Variants in CSNK2A1 observed in about 807,000 individuals in gnomAD.
CSNK2A1 encodes casein kinase II subunit alpha.
In CSNK2A1, 10 loss-of-function variants were observed where a neutral mutation model predicts 62.9. That is an observed-to-expected ratio of 0.16 (90% CI 0.10 to 0.27). The LOEUF is 0.27. CSNK2A1 is among the 10% of genes least tolerant of loss of function. CSNK2A1 has a pLI of 1.00. For synonymous variants in CSNK2A1, 124 were observed against 167.8 expected (o/e 0.74, Z 2.02); for missense variants, 160 against 492.0 (o/e 0.33, Z 6.38).
At chr20:514,113 C>T (rs1386073086) in intron 2 of CSNK2A1, among the ~76,000 whole-genome samples, 1 of 151,982 alleles carries the variant, frequency 6.6e-6, no homozygotes, top group Non-Finnish European at 1.5e-5. Context: ...TCCCAGCACT[C>T]TGGCAGGATC....
At chr20:488,271 C>T (rs1170504627) in intron 11 of CSNK2A1, 1 of 183,588 alleles carries the variant, frequency 5.4e-6, no homozygotes, top group African/African-American at 2.4e-5. Context: ...TCCTAAAGTT[C>T]TGGGATTACA....
intron 1 of CSNK2A1, 150 bp downstream of exon 1, chr20:543,522 C>G (rs1048873639): frequency 5.1e-6 from 2 of 394,410 alleles, no homozygotes; most frequent in Admixed American, 4.4e-5. Flanking sequence ...CTGCAGGGGC[C>G]TCGCTTGGTT....
At chr20:520,544 C>T (rs968899807) in intron 2 of CSNK2A1, among the ~76,000 whole-genome samples, 95 of 152,120 alleles carry the variant, frequency 6.2e-4, no homozygotes, top group South Asian at 4.1e-4. Flanking sequence ...CTGGTGCCCA[C>T]GCTGGAGTGC....
intron 12 of CSNK2A1, 98 bp from the exon 13 acceptor site, chr20:486,560 A>G: frequency 7.8e-7 from 1 of 1,282,352 alleles, no homozygotes. Flanking sequence ...TTTGCAATTT[A>G]TATATACTCT....
At position 474,454 on chromosome 20, in the gene CSNK2A1, G is replaced by A. The variant is rs2017809049; in HGVS notation, c.*9507C>T. ...TATGATACTCCAAGCAAGAGAGGAT[G>A]GTGGCTGGGATGAGGAATTTGGCAA... On this transcript the variant is annotated 3_prime_UTR_variant, in exon 14 of 14. Transcript: ENST00000217244. 6.6e-6 allele frequency: 1 copy of A among 152,184 alleles called. No individual in the cohort carries two copies. The highest frequency in any genetic ancestry group is 1.5e-5 in the Non-Finnish European group (1 of 68,036). The allele number at this position is 152,184 out of a possible 1,614,324, so 9.4% of individuals were successfully genotyped here. A position where few individuals can be genotyped will look rare whatever the true frequency, so the allele number is the denominator to read the frequency against.
chr20:491,853 G>A (rs554044007), intron 9 of CSNK2A1, among the ~76,000 whole-genome samples: 64 of 152,292 alleles, frequency 4.2e-4, no homozygotes, highest in African/African-American at 1.5e-3. Flanking sequence ...GAACCTGGGA[G>A]GCGGAGCTTG....
chr20:498,335 C>CTTTTTTTTTTTT (rs11477158), intron 6 of CSNK2A1: 71 of 119,654 alleles, frequency 5.9e-4, no homozygotes, highest in African/African-American at 2.0e-3. Context: ...ATGGACATAT[C>CTTTTTTTTTTTT]TTTTTTTTTT....
intron 4 of CSNK2A1, chr20:501,557 C>CT (rs2018470741): frequency 6.6e-6 from 1 of 151,876 alleles, no homozygotes; most frequent in African/African-American, 2.4e-5. Flanking sequence ...TCTATTTTAC[C>CT]TTTTTTTGTA....
chr20:497,996 C>T (rs775878630), intron 6 of CSNK2A1: 52 of 475,866 alleles, frequency 1.1e-4, no homozygotes, highest in Admixed American at 1.0e-3. Context: ...ACATATATTG[C>T]GGAAGCTATA....
chr20:529,602 A>G (rs1437281837), intron 1 of CSNK2A1, among the ~76,000 whole-genome samples: 1 of 152,204 alleles, frequency 6.6e-6, no homozygotes, highest in Non-Finnish European at 1.5e-5. Flanking sequence ...TCCTTTAAGT[A>G]AAAAGGTAAA....
intron 2 of CSNK2A1, among the ~76,000 whole-genome samples, chr20:525,877 G>A (rs2019076972): frequency 1.4e-5 from 2 of 146,792 alleles, no homozygotes; most frequent in Admixed American, 1.4e-4. Context: ...GTGGTGGCAT[G>A]CACCTGTGGT....
chr20:485,244 T>G (rs1639830678), intron 13 of CSNK2A1, among the ~76,000 whole-genome samples: 1 of 149,648 alleles, frequency 6.7e-6, no homozygotes, highest in African/African-American at 2.5e-5. Flanking sequence ...AGGGCAACGG[T>G]GCGATCTCGG....
intron 2 of CSNK2A1, among the ~76,000 whole-genome samples, chr20:527,339 A>C (rs978033437): frequency 2.4e-4 from 37 of 152,242 alleles, no homozygotes; most frequent in African/African-American, 8.0e-4. Flanking sequence ...AAATTCAATC[A>C]GTATTGTTTC....
intron 1 of CSNK2A1, among the ~76,000 whole-genome samples, chr20:531,235 T>C (rs950271452): frequency 3.6e-4 from 55 of 152,200 alleles, no homozygotes; most frequent in Admixed American, 3.9e-4. Context: ...GGTAGGTCTG[T>C]CTGTCTGGTA....
chr20:516,515 A>G (rs1213539968), intron 2 of CSNK2A1, among the ~76,000 whole-genome samples: 1 of 152,226 alleles, frequency 6.6e-6, no homozygotes, highest in African/African-American at 2.4e-5. Flanking sequence ...AAAATTGTCC[A>G]TTGCCAAAAT....
At chr20:529,190 A>ATTT (rs34902417) in intron 1 of CSNK2A1, among the ~76,000 whole-genome samples, 2 of 137,122 alleles carry the variant, frequency 1.5e-5, no homozygotes, top group East Asian at 2.1e-4. Context: ...ACTCCTGGCT[A>ATTT]TTTTTTTTTT....
intron 2 of CSNK2A1, among the ~76,000 whole-genome samples, chr20:517,643 T>C (rs1378677178): frequency 6.6e-6 from 1 of 152,132 alleles, no homozygotes; most frequent in East Asian, 1.9e-4. Flanking sequence ...ACAGGAATTA[T>C]TCAGATGGAA....
chr20:485,826 T>A (rs922602369), intron 13 of CSNK2A1, among the ~76,000 whole-genome samples: 1 of 152,254 alleles, frequency 6.6e-6, no homozygotes. Flanking sequence ...GGATGTTGCC[T>A]ATATGTATAA....
rs2017832671 is a variant in CSNK2A1, at chr20:475,551, G to A, written c.*8410C>T. 3.3e-5 allele frequency: 5 copies of A among 151,706 alleles called. No homozygotes were observed. The allele number at this position is 151,706 out of a possible 1,614,324, so 9.4% of individuals were successfully genotyped here. A position where few individuals can be genotyped will look rare whatever the true frequency, so the allele number is the denominator to read the frequency against. Reference sequence around the variant, plus strand: ...TATGTGGTTGCCTTCTGTTCCTACTGATATATATGAATAGTATGGCTGATT... The same window carrying A: ...TATGTGGTTGCCTTCTGTTCCTACTAATATATATGAATAGTATGGCTGATT... On this transcript the variant is annotated 3_prime_UTR_variant, in exon 14 of 14. Coordinates refer to ENST00000217244, the MANE Select transcript of CSNK2A1 (RefSeq NM_177559.3).
Sources: gnomAD v4.1 joint callset for allele counts (sites outside exome capture counted in the v4.1 genomes callset) on GRCh38, gnomAD v4.1.1 for gene constraint, MANE v1.5 for transcripts, NCBI Gene and HGNC (gene_info 2026-07-23, HGNC 2026-07-21) for gene names.